Variants in PHC2 observed in about 807,000 individuals in gnomAD.
The protein encoded by PHC2 is polyhomeotic-like protein 2.
In PHC2, 29 loss-of-function variants were observed where a neutral mutation model predicts 87.4. The observed-to-expected ratio is 0.33, with a 90% CI of 0.25 to 0.45. The LOEUF is 0.45. Among genes scored for constraint, PHC2 ranks in the 20% least tolerant of loss-of-function variants. The probability of loss-of-function intolerance (pLI) is 1.00; values close to 1 mark genes in which losing one functional copy is unlikely to be tolerated. For synonymous variants in PHC2, 438 were observed against 461.7 expected (o/e 0.95, Z 0.66); for missense variants, 857 against 1,136.7 (o/e 0.75, Z 3.54).
At chr1:33,370,875 C>T (rs1557837597) in intron 4 of PHC2, 142 bp downstream of exon 4, 1 of 762,272 alleles carries the variant, frequency 1.3e-6, no homozygotes, top group Non-Finnish European at 2.3e-6. Context: ...GAGACATGCC[C>T]TTTTCTTTTT....
intron 7 of PHC2, among the ~76,000 whole-genome samples, chr1:33,362,775 A>G (rs1180691732): frequency 2.0e-5 from 3 of 152,166 alleles, no homozygotes; most frequent in Non-Finnish European, 2.9e-5. Flanking sequence ...CATGTTTCAA[A>G]GCACAACTCA....
At chr1:33,330,775 C>T (rs1352312306) in intron 12 of PHC2, among the ~76,000 whole-genome samples, 1 of 152,228 alleles carries the variant, frequency 6.6e-6, no homozygotes, top group East Asian at 1.9e-4. Context: ...CCTAAATCCC[C>T]AGGCCCATGG....
rs935192945 is a variant in PHC2 at position 33,331,031 on chromosome 1, G to A, written c.2006+317C>T. The stretch of plus-strand genomic sequence containing the variant: ...AGGGAACACTATAGCTGTGGTTCTG[G>A]GTAAGGCTTACCCTAACAAGGCAGG... On this transcript the variant is annotated intron_variant, in intron 12 of 14. Coordinates refer to ENST00000683057, the MANE Select transcript of PHC2 (RefSeq NM_001385109.1). The surrounding 1 kb of genome is among the most constrained non-coding windows in gnomAD (Gnocchi z 5.2). Among the ~76,000 whole-genome samples the A allele has an allele frequency of 1.3e-5, 2 of 152,142 alleles. No individual in the cohort carries two copies. Among genetic ancestry groups the A allele is most frequent in the African/African-American group, 4.8e-5 (2 of 41,420 alleles).
chr1:33,398,745 C>G (rs542708596), intron 1 of PHC2, among the ~76,000 whole-genome samples: 2 of 152,142 alleles, frequency 1.3e-5, no homozygotes, highest in African/African-American at 4.8e-5. Flanking sequence ...AAGCTATATT[C>G]CAGTAGATAC....
intron 9 of PHC2, among the ~76,000 whole-genome samples, chr1:33,351,366 G>A (rs1646968706): frequency 6.6e-6 from 1 of 152,150 alleles, no homozygotes; most frequent in African/African-American, 2.4e-5. Context: ...GATGGTTTTG[G>A]CCATTGGGCT....
At position 33,382,783 on chromosome 1, in the gene PHC2, G is replaced by A. The variant is rs1197552293; in HGVS notation, c.-54-7190C>T. Among the ~76,000 whole-genome samples, 1 of 152,182 alleles carries A rather than the reference G, an allele frequency of 6.6e-6. No homozygotes were observed. Among genetic ancestry groups the A allele is most frequent in the Non-Finnish European group, 1.5e-5 (1 of 68,032 alleles). ...TGATGGTTCTGCCCTCCCAGGAGCC[G>A]CCAAGTCTACGAAACACTAGGCCTT... On this transcript the variant is annotated intron_variant, in intron 1 of 14. Coordinates refer to ENST00000683057, the MANE Select transcript of PHC2 (RefSeq NM_001385109.1). The surrounding 1 kb of genome is among the most constrained non-coding windows in gnomAD (Gnocchi z 4.3).
intron 9 of PHC2, among the ~76,000 whole-genome samples, chr1:33,353,918 T>C (rs988567301): frequency 6.6e-6 from 1 of 152,252 alleles, no homozygotes; most frequent in Non-Finnish European, 1.5e-5. Context: ...ATCCCAGAGC[T>C]GAGCAGTTTT....
At position 33,334,079 on chromosome 1, in the gene PHC2, G is replaced by A. The variant is rs1373494685; in HGVS notation, c.1761+11C>T. On this transcript the variant is annotated intron_variant, in intron 10 of 14. Coordinates refer to ENST00000683057, the MANE Select transcript of PHC2 (RefSeq NM_001385109.1). This position sits in a 1 kb window ranked among gnomAD's most constrained non-coding sequence, Gnocchi z 5.5. The stretch of plus-strand genomic sequence containing the variant: ...ACTTAAAAAAAAAAGGGGAAAAGAA[G>A]TAGTCCGTACCGGGAAAGGCTCCGC... 2 of 1,581,790 alleles carry A rather than the reference G, an allele frequency of 1.3e-6. No individual in the cohort carries two copies. The highest frequency in any genetic ancestry group is 2.3e-5 in the South Asian group (2 of 85,386).
chr1:33,332,532 A>G lies in PHC2; in HGVS notation c.1762-128T>C, dbSNP rs760111621. 9.0e-7 allele frequency: 1 copy of G among 1,110,890 alleles called. No individual in the cohort carries two copies. The highest frequency in any genetic ancestry group is 1.3e-6 in the Non-Finnish European group (1 of 755,732). 68.8% of individuals were successfully genotyped at this position (1,110,890 alleles called of 1,614,324 possible). ...GCCAGCCCTCCTCAAACCTTCCCCC[A>G]TGTCATCATCCAAGTGTGCTGGGCT... is the stretch of plus-strand genomic sequence containing the variant. On this transcript the variant is annotated intron_variant, in intron 10 of 14. Coordinates refer to ENST00000683057, the MANE Select transcript of PHC2 (RefSeq NM_001385109.1). The surrounding 1 kb of genome is among the most constrained non-coding windows in gnomAD (Gnocchi z 4.2).
Position 33,325,298 on chromosome 1 carries a change from G to A in PHC2, c.2426-279C>T, listed in dbSNP as rs149151366. 1.6e-3 allele frequency: 569 copies of A among 355,236 alleles called. 1 individual carries two copies. Among genetic ancestry groups the A allele is most frequent in the African/African-American group, 0.011 (515 of 48,270 alleles). The allele number at this position is 355,236 out of a possible 1,614,324, so 22.0% of individuals were successfully genotyped here. ...GACCCATGTCCACTAAAGTGCTGAG[G>A]AAGTGACAGCGTGTGATTTCTGAGG... On this transcript the variant is annotated intron_variant, in intron 14 of 14. Transcript: ENST00000683057.
rs746436760 is a variant in PHC2, at chr1:33,364,155, T to TC, written c.976+2960dup. On this transcript the variant is annotated intron_variant, in intron 7 of 14. Transcript: ENST00000683057. This position sits in a 1 kb window ranked among gnomAD's most constrained non-coding sequence, Gnocchi z 4.1. ...CCCAAACAGCTGTCAGTGGGAGCAG[T>TC]CCCAGCTGGGACTGGAGGGTCTGCC... 6.6e-6 allele frequency among the ~76,000 whole-genome samples: 1 copy of TC among 151,726 alleles called. No homozygotes were observed. The highest frequency in any genetic ancestry group is 1.5e-5 in the Non-Finnish European group (1 of 67,922).
At chr1:33,376,709 T>A (rs1488636024) in intron 1 of PHC2, among the ~76,000 whole-genome samples, 1 of 152,198 alleles carries the variant, frequency 6.6e-6, no homozygotes, top group African/African-American at 2.4e-5. Context: ...GGTGGGCAGA[T>A]CACGAGGTCA....
At chr1:33,402,054 T>A (rs181570999) in intron 1 of PHC2, among the ~76,000 whole-genome samples, 255 of 152,154 alleles carry the variant, frequency 1.7e-3, no homozygotes, top group African/African-American at 5.8e-3. Context: ...AATATTTCTA[T>A]CACACATAAC....
chr1:33,349,718 C>T lies in PHC2; in HGVS notation c.1558+4683G>A, dbSNP rs1557827182. The T allele has an allele frequency of 1.8e-5, 18 of 993,816 alleles. No homozygotes were observed. Among genetic ancestry groups the T allele is most frequent in the Admixed American group, 5.6e-5 (1 of 17,906 alleles). The allele number at this position is 993,816 out of a possible 1,614,324, so 61.6% of individuals were successfully genotyped here. A position where few individuals can be genotyped will look rare whatever the true frequency, so the allele number is the denominator to read the frequency against. On this transcript the variant is annotated intron_variant, in intron 9 of 14. Coordinates refer to ENST00000683057, the MANE Select transcript of PHC2 (RefSeq NM_001385109.1). The surrounding 1 kb of genome is among the most constrained non-coding windows in gnomAD (Gnocchi z 4.2). ...TCCTCTCCGCCGGGAGCCTCCGAGCCGGGGCCCGGGGCTGCCGCGGCGCAT... is the reference window on the plus strand; with the variant it reads ...TCCTCTCCGCCGGGAGCCTCCGAGCTGGGGCCCGGGGCTGCCGCGGCGCAT...
intron 1 of PHC2, among the ~76,000 whole-genome samples, chr1:33,414,187 A>T (rs1174310721): frequency 2.0e-5 from 3 of 150,908 alleles, no homozygotes; most frequent in Non-Finnish European, 4.4e-5. Flanking sequence ...TCACACACAC[A>T]CACACACACA....
chr1:33,360,816 G>A (rs1278625736), intron 7 of PHC2, among the ~76,000 whole-genome samples: 1 of 152,246 alleles, frequency 6.6e-6, no homozygotes, highest in Admixed American at 6.5e-5. Flanking sequence ...AATGCAGTAA[G>A]TGAAGGGGAA....
chr1:33,379,405 G>A (rs1266045629), intron 1 of PHC2, among the ~76,000 whole-genome samples: 1 of 36,552 alleles, frequency 2.7e-5, no homozygotes, highest in Non-Finnish European at 4.9e-5. Context: ...CCTGCCCACT[G>A]TCCCCCTTGC....
chr1:33,382,755 C>T lies in PHC2; in HGVS notation c.-54-7162G>A, dbSNP rs986256762. ...GGCCTGAGACCAGCAGCTGGAGAAA[C>T]GCTGATGGTTCTGCCCTCCCAGGAG... On this transcript the variant is annotated intron_variant, in intron 1 of 14. Coordinates refer to ENST00000683057, the MANE Select transcript of PHC2 (RefSeq NM_001385109.1). The surrounding 1 kb of genome is among the most constrained non-coding windows in gnomAD (Gnocchi z 4.3). Among the ~76,000 whole-genome samples, 3 of 152,200 alleles carry T rather than the reference C, an allele frequency of 2.0e-5. No homozygotes were observed. The highest frequency in any genetic ancestry group is 7.2e-5 in the African/African-American group (3 of 41,446).
At chr1:33,343,688 A>G (rs1646791263) in intron 9 of PHC2, among the ~76,000 whole-genome samples, 1 of 152,170 alleles carries the variant, frequency 6.6e-6, no homozygotes. Flanking sequence ...CTGTGAGAAG[A>G]TTAGGAAATC....
Sources: allele counts gnomAD v4.1 joint callset (sites outside exome capture counted in the v4.1 genomes callset), GRCh38; gene constraint gnomAD v4.1.1; non-coding constraint Gnocchi (gnomAD v3.1); transcripts MANE v1.5; gene names NCBI Gene and HGNC (gene_info 2026-07-23, HGNC 2026-07-21).